Variants in DDAH1 observed in about 807,000 individuals in gnomAD.
DDAH1 encodes dimethylarginine dimethylaminohydrolase 1, also known as N(G),N(G)-dimethylarginine dimethylaminohydrolase 1.
DDAH1 carries 19 observed loss-of-function variants against 28.8 expected under a neutral mutation model. The observed-to-expected ratio is 0.66, with a 90% CI of 0.46 to 0.97. The LOEUF (loss-of-function observed/expected upper bound fraction) is 0.97. Among genes scored for constraint, DDAH1 ranks in the 50% least tolerant of loss-of-function variants. DDAH1 has a pLI of 0.00. For synonymous variants in DDAH1, 153 were observed against 154.4 expected, an observed-to-expected ratio of 0.99 and a Z score of 0.07; for missense variants, 326 against 375.9, an observed-to-expected ratio of 0.87 and a Z score of 1.10.
chr1:85,471,359 C>T (rs976471088), intron 2 of DDAH1, among the ~76,000 whole-genome samples: 3 of 152,144 alleles, frequency 2.0e-5, no homozygotes, highest in Admixed American at 2.0e-4. Flanking sequence ...CTGCTCACAC[C>T]TCTAAAAACA....
intron 1 of DDAH1, among the ~76,000 whole-genome samples, chr1:85,421,984 T>C (rs556089289): frequency 1.3e-5 from 2 of 152,174 alleles, no homozygotes; most frequent in Admixed American, 1.3e-4. Flanking sequence ...TATGGTAAGA[T>C]CATGTTTAGC....
At chr1:85,453,976 G>C (rs1654772720) in intron 1 of DDAH1, among the ~76,000 whole-genome samples, 1 of 152,164 alleles carries the variant, frequency 6.6e-6, no homozygotes, top group African/African-American at 2.4e-5. Flanking sequence ...CCTACCCCAA[G>C]AGTGTCTGTG....
chr1:85,479,388 T>C (rs1489371603), intron 2 of DDAH1, among the ~76,000 whole-genome samples: 1 of 151,654 alleles, frequency 6.6e-6, no homozygotes, highest in Non-Finnish European at 1.5e-5. Flanking sequence ...TTAGCCAGGA[T>C]GGTCTCGATC....
intron 1 of DDAH1, among the ~76,000 whole-genome samples, chr1:85,558,381 C>A (rs1436485383): frequency 6.6e-6 from 1 of 152,150 alleles, no homozygotes; most frequent in Non-Finnish European, 1.5e-5. Flanking sequence ...AAACAAAAAC[C>A]AAAGTCAATT....
chr1:85,359,202 G>A lies in DDAH1; in HGVS notation c.304-355C>T, dbSNP rs904931728. Among the ~76,000 whole-genome samples the A allele has an allele frequency of 1.6e-4, 25 of 152,142 alleles. 1 individual carries two copies. The highest frequency in any genetic ancestry group is 6.0e-4 in the African/African-American group (25 of 41,426). ...TGCACCATTGGAAGCTGACCAGTTCGGCCACTGTTGGAGGCTGACAAGTTA... is the reference window on the plus strand; with the variant it reads ...TGCACCATTGGAAGCTGACCAGTTCAGCCACTGTTGGAGGCTGACAAGTTA... On this transcript the variant is annotated intron_variant, in intron 1 of 5. Transcript: ENST00000284031.
chr1:85,394,669 G>C (rs1306329444), intron 1 of DDAH1, among the ~76,000 whole-genome samples: 1 of 152,104 alleles, frequency 6.6e-6, no homozygotes, highest in East Asian at 1.9e-4. Context: ...TGGTTAACAA[G>C]GAAATAACTT....
chr1:85,328,278 A>C lies in DDAH1; in HGVS notation c.598-3395T>G, dbSNP rs79069771. On this transcript the variant is annotated intron_variant, in intron 4 of 5. Coordinates refer to ENST00000284031, the MANE Select transcript of DDAH1 (RefSeq NM_012137.4). Reference sequence around the variant, plus strand: ...CTAAGGGCATTCACAGAAAGAAAGAAAAGAAAAACTTTTGTGTATATCAAA... The same window carrying C: ...CTAAGGGCATTCACAGAAAGAAAGACAAGAAAAACTTTTGTGTATATCAAA... Among the ~76,000 whole-genome samples, 411 of 152,360 alleles carry C rather than the reference A, an allele frequency of 2.7e-3. 17 individuals are homozygous for C. The East Asian group carries it at 0.07, about 26-fold the overall frequency.
intron 1 of DDAH1, among the ~76,000 whole-genome samples, chr1:85,528,016 T>G (rs1453408903): frequency 2.0e-5 from 3 of 152,106 alleles, no homozygotes; most frequent in African/African-American, 7.2e-5. Flanking sequence ...AAATGTTATT[T>G]AGTGTTTAAA....
intron 1 of DDAH1, among the ~76,000 whole-genome samples, chr1:85,405,103 G>A (rs1204525453): frequency 1.3e-5 from 2 of 152,034 alleles, no homozygotes; most frequent in East Asian, 1.9e-4. Flanking sequence ...TTATGCAGGG[G>A]CCACCAGAGT....
intron 1 of DDAH1, among the ~76,000 whole-genome samples, chr1:85,419,457 T>C (rs1047539496): frequency 3.5e-5 from 5 of 144,518 alleles, no homozygotes; most frequent in African/African-American, 1.3e-4. Flanking sequence ...GGAGAATCAC[T>C]TGAAACCGGG....
chr1:85,558,689 T>G (rs908102242), intron 1 of DDAH1, among the ~76,000 whole-genome samples: 17 of 152,178 alleles, frequency 1.1e-4, no homozygotes, highest in African/African-American at 3.6e-4. Flanking sequence ...TTAAAAGTAA[T>G]AATGCTAAAA....
At chr1:85,352,376 T>C (rs1649265626) in intron 2 of DDAH1, among the ~76,000 whole-genome samples, 1 of 152,166 alleles carries the variant, frequency 6.6e-6, no homozygotes, top group African/African-American at 2.4e-5. Context: ...TTGATGACCC[T>C]GAACTGGAAG....
At chr1:85,374,611 T>C (rs999855378) in intron 1 of DDAH1, among the ~76,000 whole-genome samples, 1 of 152,136 alleles carries the variant, frequency 6.6e-6, no homozygotes, top group Non-Finnish European at 1.5e-5. Flanking sequence ...TTAAAAATCT[T>C]TGTAATCCCA....
intron 1 of DDAH1, among the ~76,000 whole-genome samples, chr1:85,503,757 C>T (rs1328856665): frequency 1.3e-5 from 2 of 151,954 alleles, no homozygotes; most frequent in Admixed American, 1.3e-4. Flanking sequence ...GAAAATAAAG[C>T]AGGAAGATGG....
intron 1 of DDAH1, among the ~76,000 whole-genome samples, chr1:85,407,801 T>C (rs1299316430): frequency 6.6e-6 from 1 of 152,220 alleles, no homozygotes; most frequent in Non-Finnish European, 1.5e-5. Flanking sequence ...CCCATGTCTC[T>C]AAGTTTATGC....
chr1:85,394,434 A>C (rs1651706441), intron 1 of DDAH1, among the ~76,000 whole-genome samples: 1 of 152,206 alleles, frequency 6.6e-6, no homozygotes, highest in African/African-American at 2.4e-5. Flanking sequence ...TGAGCTAAAT[A>C]AACCACTTTT....
intron 1 of DDAH1, chr1:85,576,992 G>A (rs71263544): frequency 2.1e-5 from 3 of 145,644 alleles, no homozygotes; most frequent in South Asian, 2.0e-4. Context: ...ACCGCCCCCC[G>A]AAGCTAGATG....
chr1:85,353,293 G>GAA (rs1229719702), intron 2 of DDAH1, among the ~76,000 whole-genome samples: 8 of 152,090 alleles, frequency 5.3e-5, no homozygotes, highest in African/African-American at 1.9e-4. Context: ...ATAATATGTG[G>GAA]AAAAGATATT....
chr1:85,499,039 A>G (rs532746972), intron 1 of DDAH1, among the ~76,000 whole-genome samples: 1 of 152,268 alleles, frequency 6.6e-6, no homozygotes, highest in East Asian at 1.9e-4. Flanking sequence ...GAGAAAATAA[A>G]TAGCAAAATA....
Sources: gnomAD v4.1 joint callset for allele counts (sites outside exome capture counted in the v4.1 genomes callset) on GRCh38, gnomAD v4.1.1 for gene constraint, MANE v1.5 for transcripts, NCBI Gene and HGNC (gene_info 2026-07-23, HGNC 2026-07-21) for gene names.